Variants in SS18L2 observed in about 807,000 individuals in gnomAD.
SS18L2 encodes SS18 like 2, also known as SS18-like protein 2.
SS18L2 carries 8 observed loss-of-function variants against 10.3 expected under a neutral mutation model. That is an observed-to-expected ratio of 0.78 (90% CI 0.46 to 1.41). The LOEUF is 1.41. Ranked by LOEUF, SS18L2 falls within the 40% of genes most tolerant of loss-of-function variation. The pLI is 0.00. For synonymous variants in SS18L2, 41 were observed against 34.6 expected (o/e 1.19, Z -0.65); for missense variants, 100 against 96.2 (o/e 1.04, Z -0.17).
chr3:42,588,627 A>G (rs1308125125), upstream of SS18L2, among the ~76,000 whole-genome samples: 1 of 152,026 alleles, frequency 6.6e-6, no homozygotes, highest in Non-Finnish European at 1.5e-5. Flanking sequence ...CAAGTCACTT[A>G]AACTTTATGA....
chr3:42,593,867 CAG>C (rs1345813614), intron 2 of SS18L2, among the ~76,000 whole-genome samples: 1 of 152,096 alleles, frequency 6.6e-6, no homozygotes, highest in Non-Finnish European at 1.5e-5. Flanking sequence ...ATAAGTAAGA[CAG>C]AGAAAGCATC....
chr3:42,583,747 A>AAAGGCAAAT (rs1291980248), intron 1 of SS18L2, among the ~76,000 whole-genome samples: 1 of 152,152 alleles, frequency 6.6e-6, no homozygotes, highest in Admixed American at 6.5e-5. Flanking sequence ...AAGGCAGAGG[A>AAAGGCAAAT]AAGGCAAATT....
In SS18L2 at chr3:42,596,321, C is replaced by T. The variant is rs138524625; in HGVS notation, c.*1812C>T. On this transcript the variant is annotated 3_prime_UTR_variant, in exon 3 of 3. Transcript: ENST00000011691. ...ACAGGCGTAAGCCACCGCGCCCAGC[C>T]GATCATTTCTGTTTTCTAGAAAATT... Among the ~76,000 whole-genome samples, 29 of 152,336 alleles carry T rather than the reference C, an allele frequency of 1.9e-4. No individual in the cohort carries two copies. The highest frequency in any genetic ancestry group is 3.5e-4 in the Non-Finnish European group (24 of 68,028).
At chr3:42,591,263 A>G (rs1704828048) in intron 1 of SS18L2, 2 of 564,660 alleles carry the variant, frequency 3.5e-6, no homozygotes, top group African/African-American at 2.1e-5. Context: ...GCAGTGGTGC[A>G]TCTTGGCTCA....
At chr3:42,590,536 G>A (rs1028979922), upstream of SS18L2, among the ~76,000 whole-genome samples, 1 of 151,768 alleles carries the variant, frequency 6.6e-6, no homozygotes, top group Non-Finnish European at 1.5e-5. Context: ...GCAGTGAGCT[G>A]AGATGCGCCA....
chr3:42,584,520 T>A (rs1449605318), intron 1 of SS18L2, among the ~76,000 whole-genome samples: 1 of 152,204 alleles, frequency 6.6e-6, no homozygotes, highest in Non-Finnish European at 1.5e-5. Context: ...CCTCCCTAAG[T>A]GCTGGGATTA....
At chr3:42,582,649 ACAAT>A (rs1053460120) in intron 1 of SS18L2, among the ~76,000 whole-genome samples, 6 of 152,250 alleles carry the variant, frequency 3.9e-5, no homozygotes, top group African/African-American at 1.2e-4. Context: ...CACCCTTCAA[ACAAT>A]CAAACACCTG....
chr3:42,591,276 G>A lies in SS18L2; in HGVS notation c.70-249G>A. ...GTGCAGTGGTGCATCTTGGCTCACT[G>A]AAACCACCGCTTCCTGGCTTCAAGC... On this transcript the variant is annotated intron_variant, in intron 1 of 2. Transcript: ENST00000011691. The A allele has an allele frequency of 7.0e-6, 4 of 573,800 alleles. No individual in the cohort carries two copies. The South Asian group carries it at 8.3e-5, about 12-fold the overall frequency. The allele number at this position is 573,800 out of a possible 1,614,324, so 35.5% of individuals were successfully genotyped here.
chr3:42,594,361 G>GT, intron 2 of SS18L2, 61 bp from the exon 3 acceptor site: 1 of 1,370,170 alleles, frequency 7.3e-7, no homozygotes, highest in South Asian at 1.2e-5. Context: ...TTATTTTCCA[G>GT]TTTTTTGTTC....
At chr3:42,591,391 C>T (rs1704833110) in intron 1 of SS18L2, 134 bp from the exon 2 acceptor site, 2 of 665,060 alleles carry the variant, frequency 3.0e-6, no homozygotes, top group Non-Finnish European at 2.7e-6. Flanking sequence ...TATGGGGTTT[C>T]CCCATGTTGG....
chr3:42,590,053 G>C (rs757563532), upstream of SS18L2, among the ~76,000 whole-genome samples: 5 of 152,178 alleles, frequency 3.3e-5, no homozygotes, highest in South Asian at 6.2e-4. Flanking sequence ...AACCTGTTTC[G>C]TCATCTGTAA....
intron 1 of SS18L2, among the ~76,000 whole-genome samples, chr3:42,584,522 C>T (rs1328963193): frequency 6.6e-6 from 1 of 152,198 alleles, no homozygotes; most frequent in East Asian, 1.9e-4. Flanking sequence ...TCCCTAAGTG[C>T]TGGGATTACA....
chr3:42,594,442 G>C lies in SS18L2; in HGVS notation c.167G>C (p.Arg56Thr). The change falls in exon 3 of 3, where the codon AGA becomes ACA. Residue 56 changes from arginine to threonine, a missense_variant. Arg to Thr is a moderately conservative substitution (Grantham distance 71). Coordinates refer to ENST00000011691, the MANE Select transcript of SS18L2 (RefSeq NM_001370300.1). ...CATAGGTACCAGCATGTGTTACATA[G>C]AAATCTCATTTATTTGGCTACCATT... Reference protein sequence around the residue: ...ECVQYQHVLHRNLIYLATIAD... With the variant: ...ECVQYQHVLHTNLIYLATIAD... The C allele has an allele frequency of 6.2e-7, 1 of 1,613,820 alleles. No individual in the cohort carries two copies. The highest frequency in any genetic ancestry group is 8.5e-7 in the Non-Finnish European group (1 of 1,179,806).
In SS18L2 at chr3:42,596,897, A is replaced by G. The variant is rs991724467; in HGVS notation, c.*2388A>G. 6.6e-6 allele frequency among the ~76,000 whole-genome samples: 1 copy of G among 152,226 alleles called. No homozygotes were observed. Among genetic ancestry groups the G allele is most frequent in the South Asian group, 2.1e-4 (1 of 4,834 alleles). ...ATTCTAGGTTTAAAGTTGTTTAAGT[A>G]TATCCCAAATTAAATATTTCATTCC... is the stretch of plus-strand genomic sequence containing the variant. On this transcript the variant is annotated 3_prime_UTR_variant, in exon 3 of 3. Coordinates refer to ENST00000011691, the MANE Select transcript of SS18L2 (RefSeq NM_001370300.1).
rs1185931284 is a variant in SS18L2 at position 42,590,931 on chromosome 3, G to T, written c.34G>T (p.Gly12Cys). The T allele has an allele frequency of 2.5e-6, 4 of 1,590,056 alleles. No individual in the cohort carries two copies. In the African/African-American group the frequency reaches 5.4e-5, roughly 22 times the overall value. ...GGCCTTCGTACCGGACTGGCTGAGG[G>T]GCAAGGCGGAAGTCAATCAAGAGAC... ...SVAFVPDWLR[G>C]KAEVNQETIQ... The change falls in exon 1 of 3, where the codon GGC (glycine) becomes TGC (cysteine). Residue 12 changes from glycine to cysteine, a missense_variant. Physicochemically the swap from Gly to Cys is radical, Grantham distance 159. Transcript: ENST00000011691.
Position 42,591,528 on chromosome 3 carries a change from C to T in SS18L2, c.73C>T (p.Leu25Phe), listed in dbSNP as rs1165644226. ...CTTTCTTTCTCTGATCTTTCAGCTCCTTGAGGAGAATGACCAGCTGATCCG... is the reference window on the plus strand; with the variant it reads ...CTTTCTTTCTCTGATCTTTCAGCTCTTTGAGGAGAATGACCAGCTGATCCG... ...EVNQETIQRL[L>F]EENDQLIRCI... Residue 25 changes from leucine to phenylalanine, a missense_variant, in exon 2 of 3, where the codon CTT becomes TTT. Leu to Phe is a conservative substitution (Grantham distance 22). Transcript: ENST00000011691. 6.2e-7 allele frequency: 1 copy of T among 1,613,448 alleles called. No homozygotes were observed. Among genetic ancestry groups the T allele is most frequent in the Non-Finnish European group, 8.5e-7 (1 of 1,179,414 alleles).
At chr3:42,590,753 T>C (rs528265692), upstream of SS18L2, 3 of 862,922 alleles carry the variant, frequency 3.5e-6, no homozygotes, top group East Asian at 2.4e-5. Context: ...AAGCGCTGAG[T>C]ATAGCTCTTG....
At chr3:42,589,555 G>C (rs1415779529), upstream of SS18L2, among the ~76,000 whole-genome samples, 1 of 152,216 alleles carries the variant, frequency 6.6e-6, no homozygotes, top group East Asian at 1.9e-4. Context: ...GAGGTGAGCA[G>C]AGGGCGGATA....
chr3:42,594,371 C>A (rs1359824868), intron 2 of SS18L2, 51 bp from the exon 3 acceptor site: 3 of 1,452,822 alleles, frequency 2.1e-6, no homozygotes, highest in Non-Finnish European at 2.9e-6. Flanking sequence ...GTTTTTTGTT[C>A]ATGGTCGGTA....
Sources: allele counts gnomAD v4.1 joint callset (sites outside exome capture counted in the v4.1 genomes callset), GRCh38; gene constraint gnomAD v4.1.1; transcripts MANE v1.5; gene names NCBI Gene and HGNC (gene_info 2026-07-23, HGNC 2026-07-21).